Variants in SGCG observed in about 807,000 individuals in gnomAD.
SGCG encodes gamma-sarcoglycan.
Under a neutral mutation model 29.3 loss-of-function variants are expected in SGCG, and 26 were observed. That is an observed-to-expected ratio of 0.89 (90% CI 0.65 to 1.23). SGCG has a LOEUF of 1.23. Among genes scored for constraint, SGCG ranks in the 50% most tolerant of loss-of-function variants. SGCG has a pLI of 0.00. For missense variants in SGCG, 353 were observed against 356.0 expected (o/e 0.99, Z 0.07); for synonymous variants, 145 against 129.7 (o/e 1.12, Z -0.80).
chr13:23,311,780 C>T (rs753515005), intron 6 of SGCG, among the ~76,000 whole-genome samples: 3 of 152,166 alleles, frequency 2.0e-5, no homozygotes, highest in Non-Finnish European at 4.4e-5. Flanking sequence ...TTTCAGTTAT[C>T]TTTCTATCTA....
chr13:23,214,855 C>T (rs1878365840), intron 2 of SGCG, among the ~76,000 whole-genome samples: 1 of 152,096 alleles, frequency 6.6e-6, no homozygotes, highest in Non-Finnish European at 1.5e-5. Flanking sequence ...TCAGTGCTTT[C>T]CAGTCCAAAA....
chr13:23,280,253 A>G (rs899332557), intron 5 of SGCG, among the ~76,000 whole-genome samples: 1 of 152,202 alleles, frequency 6.6e-6, no homozygotes, highest in Non-Finnish European at 1.5e-5. Context: ...TATGAAAAAA[A>G]TGTTTCAGAA....
intron 4 of SGCG, among the ~76,000 whole-genome samples, chr13:23,271,190 TGATAGAG>T (rs1880863420): frequency 1.3e-5 from 2 of 152,102 alleles, no homozygotes. Context: ...CCAACCTGTG[TGATAGAG>T]TGAGACTCTG....
intron 1 of SGCG, among the ~76,000 whole-genome samples, chr13:23,192,107 G>A (rs1316321495): frequency 2.6e-5 from 4 of 151,446 alleles, no homozygotes; most frequent in Non-Finnish European, 4.4e-5. Flanking sequence ...CCCGGGAAGC[G>A]GAGTTTGCAG....
At chr13:23,173,827 G>A in the SGCG span, among the ~76,000 whole-genome samples, 1 of 152,060 alleles carries the variant, frequency 6.6e-6, no homozygotes, top group Non-Finnish European at 1.5e-5. Context: ...GAAATAAATT[G>A]GGAATAATAT....
chr13:23,317,375 G>A (rs1882856811), intron 6 of SGCG, among the ~76,000 whole-genome samples: 1 of 152,174 alleles, frequency 6.6e-6, no homozygotes, highest in African/African-American at 2.4e-5. Flanking sequence ...CAGGAATGAA[G>A]GTTTGGCTCA....
At position 23,276,801 on chromosome 13, in the gene SGCG, C is replaced by T. The variant is rs996221149; in HGVS notation, c.386-2558C>T. 2.6e-5 allele frequency among the ~76,000 whole-genome samples: 4 copies of T among 152,228 alleles called. No homozygotes were observed. The South Asian group carries it at 8.3e-4, about 31-fold the overall frequency. ...CGTCTCCGGACGCTGCTCTTAGCCT[C>T]GATGGATGGACCATGGATTCCTAGT... On this transcript the variant is annotated intron_variant, in intron 4 of 7. Coordinates refer to ENST00000218867, the MANE Select transcript of SGCG (RefSeq NM_000231.3).
At chr13:23,203,337 A>G (rs761307716) in intron 1 of SGCG, among the ~76,000 whole-genome samples, 4 of 152,170 alleles carry the variant, frequency 2.6e-5, no homozygotes, top group Non-Finnish European at 5.9e-5. Context: ...TAACTTGATT[A>G]TTTTAGGTTA....
At chr13:23,235,160 G>T (rs1879259918) in intron 3 of SGCG, among the ~76,000 whole-genome samples, 1 of 152,084 alleles carries the variant, frequency 6.6e-6, no homozygotes. Flanking sequence ...CCTGAGGTGG[G>T]GCCAGCTTGG....
chr13:23,232,243 C>T lies in SGCG; in HGVS notation c.196-2368C>T, dbSNP rs571420469. ...ACCACTCCCAAATGTCAGTTCGAATCGTAGTTTATGGATTGAACCACAAGG... is the reference window on the plus strand; with the variant it reads ...ACCACTCCCAAATGTCAGTTCGAATTGTAGTTTATGGATTGAACCACAAGG... On this transcript the variant is annotated intron_variant, in intron 2 of 7. Coordinates refer to ENST00000218867, the MANE Select transcript of SGCG (RefSeq NM_000231.3). 4.6e-5 allele frequency among the ~76,000 whole-genome samples: 7 copies of T among 152,190 alleles called. No homozygotes were observed. In the East Asian group the frequency reaches 5.8e-4, roughly 13 times the overall value.
chr13:23,169,054 A>T, the SGCG span, among the ~76,000 whole-genome samples: 17 of 151,308 alleles, frequency 1.1e-4, no homozygotes, highest in African/African-American at 3.9e-4. Context: ...TATATATATA[A>T]ATATATTTTT....
intron 5 of SGCG, among the ~76,000 whole-genome samples, chr13:23,290,932 C>A (rs1231682520): frequency 6.6e-6 from 1 of 152,158 alleles, no homozygotes; most frequent in Non-Finnish European, 1.5e-5. Flanking sequence ...TCCAAGAGCA[C>A]CCTGATTGCT....
At chr13:23,279,299 A>T in intron 4 of SGCG, 60 bp from the exon 5 acceptor site, 1 of 1,554,872 alleles carries the variant, frequency 6.4e-7, no homozygotes, top group South Asian at 1.1e-5. Context: ...ATGTGTAAAA[A>T]TAGAGATTTG....
the SGCG span, among the ~76,000 whole-genome samples, chr13:23,167,796 A>T: frequency 6.6e-6 from 1 of 151,116 alleles, no homozygotes; most frequent in Non-Finnish European, 1.5e-5. Context: ...CAATGGTACC[A>T]TCTCAGCTCA....
chr13:23,166,671 G>A, the SGCG span, among the ~76,000 whole-genome samples: 1 of 152,192 alleles, frequency 6.6e-6, no homozygotes, highest in Non-Finnish European at 1.5e-5. Flanking sequence ...TTTCTTGTGT[G>A]CCAGAGGGGA....
At chr13:23,182,170 C>T (rs1458952098) in intron 1 of SGCG, among the ~76,000 whole-genome samples, 1 of 152,150 alleles carries the variant, frequency 6.6e-6, no homozygotes, top group Non-Finnish European at 1.5e-5. Context: ...AAAAAATGTA[C>T]TTGCTAGTCA....
chr13:23,210,450 G>C (rs570621739), intron 2 of SGCG, among the ~76,000 whole-genome samples: 1 of 152,062 alleles, frequency 6.6e-6, no homozygotes, highest in Non-Finnish European at 1.5e-5. Flanking sequence ...CCAGCACTTT[G>C]GGAGACTGAG....
At chr13:23,211,342 G>C (rs888660078) in intron 2 of SGCG, among the ~76,000 whole-genome samples, 4 of 152,148 alleles carry the variant, frequency 2.6e-5, no homozygotes, top group African/African-American at 9.7e-5. Context: ...GTGCAGAGAA[G>C]GGCAGAGTGT....
chr13:23,234,824 T>TA, intron 3 of SGCG, 112 bp downstream of exon 3: 1 of 737,012 alleles, frequency 1.4e-6, no homozygotes, highest in South Asian at 1.5e-5. Flanking sequence ...CATGTGCACA[T>TA]ATTCATGATA....
Sources: gnomAD v4.1 joint callset for allele counts (sites outside exome capture counted in the v4.1 genomes callset) on GRCh38, gnomAD v4.1.1 for gene constraint, MANE v1.5 for transcripts, NCBI Gene and HGNC (gene_info 2026-07-23, HGNC 2026-07-21) for gene names.